Variants in TMF1 observed in about 807,000 individuals in gnomAD.
TMF1 encodes the protein TATA element modulatory factor 1.
TMF1 carries 71 observed loss-of-function variants against 126.5 expected under a neutral mutation model. The ratio of observed to expected loss-of-function variants is 0.56; its 90% CI spans 0.46 to 0.68. TMF1 has a LOEUF of 0.68. TMF1 is among the 30% of genes least tolerant of loss of function. The pLI, the probability that TMF1 is intolerant of heterozygous loss-of-function variation, is 0.00. For missense variants in TMF1, 1,259 were observed against 1,253.2 expected, an observed-to-expected ratio of 1.00 and a Z score of -0.07; for synonymous variants, 461 against 430.5, an observed-to-expected ratio of 1.07 and a Z score of -0.88.
At chr3:69,051,457 G>C (rs956258588) in intron 1 of TMF1, among the ~76,000 whole-genome samples, 1 of 152,088 alleles carries the variant, frequency 6.6e-6, no homozygotes, top group South Asian at 2.1e-4. Context: ...CCTGGGCGAC[G>C]GAGTGAGACT....
At chr3:69,034,598 C>A (rs1390733460) in intron 9 of TMF1, among the ~76,000 whole-genome samples, 1 of 152,132 alleles carries the variant, frequency 6.6e-6, no homozygotes, top group Non-Finnish European at 1.5e-5. Flanking sequence ...CCTCCTCATC[C>A]AAATATTTCT....
At chr3:69,029,121 C>T (rs2091785495) in intron 11 of TMF1, among the ~76,000 whole-genome samples, 2 of 151,618 alleles carry the variant, frequency 1.3e-5, no homozygotes, top group Admixed American at 1.3e-4. Context: ...GCAACCTCTG[C>T]CTCCCAGGTT....
At chr3:69,045,413 C>A (rs114633541) in intron 2 of TMF1, among the ~76,000 whole-genome samples, 3,960 of 151,872 alleles carry the variant, frequency 0.026, 172 homozygotes, top group African/African-American at 0.091. Flanking sequence ...AGCCAAGATT[C>A]TGCAATGATC....
intron 8 of TMF1, 135 bp from the exon 9 acceptor site, chr3:69,035,250 T>C (rs931327081): frequency 1.5e-5 from 10 of 656,502 alleles, no homozygotes; most frequent in Non-Finnish European, 1.8e-5. Flanking sequence ...CTTTTACATA[T>C]GATTATCACA....
Position 69,039,532 on chromosome 3 carries a change from A to G in TMF1, c.1827+19T>C. ...AAGTAATAACAATATATATGTAGAG[A>G]ATTATGATTGCTATTCACCTGTTTC... is the stretch of plus-strand genomic sequence containing the variant. On this transcript the variant is annotated intron_variant, in intron 6 of 16. Coordinates refer to ENST00000398559, the MANE Select transcript of TMF1 (RefSeq NM_007114.3). 1 of 1,605,826 alleles carries G rather than the reference A, an allele frequency of 6.2e-7. No homozygotes were observed. Among genetic ancestry groups the G allele is most frequent in the Non-Finnish European group, 8.5e-7 (1 of 1,177,834 alleles).
At chr3:69,029,750 A>G in intron 11 of TMF1, 65 bp downstream of exon 11, 1 of 1,462,788 alleles carries the variant, frequency 6.8e-7, no homozygotes, top group Non-Finnish European at 9.2e-7. Context: ...CCAACAACAT[A>G]CTTTTAAAAA....
In TMF1 at chr3:69,044,512, T is replaced by C; in HGVS notation, c.1431A>G (p.Glu477=). The stretch of plus-strand genomic sequence containing the variant: ...CTTACTCTTTCAGGTTATCAAAAGC[T>C]TCTTCTAGAAGTGCTTTTTCCTTAC... ...SLSKEKALLE[E]AFDNLKDEMF... The change falls in exon 3 of 17, where the codon GAA becomes GAG. Residue 477 remains glutamate, a synonymous_variant. Coordinates refer to ENST00000398559, the MANE Select transcript of TMF1 (RefSeq NM_007114.3). The C allele has an allele frequency of 1.3e-6, 2 of 1,591,340 alleles. No homozygotes were observed. The highest frequency in any genetic ancestry group is 1.7e-6 in the Non-Finnish European group (2 of 1,170,994).
At chr3:69,024,268 GTTT>G (rs201235194) in intron 15 of TMF1, 88 bp from the exon 16 acceptor site, 22,158 of 922,288 alleles carry the variant, frequency 0.024, 217 homozygotes, top group Non-Finnish European at 0.025. Context: ...TGTGTGTGTG[GTTT>G]TTTTTTTTTT....
In TMF1 at chr3:69,052,309, C is replaced by G. The variant is rs770632577; in HGVS notation, c.-223G>C. ...CCATGTGCGCATGCGCTTGCTTCTTCCACGTACACAGCAACCAAATCTACG... is the reference window on the plus strand; with the variant it reads ...CCATGTGCGCATGCGCTTGCTTCTTGCACGTACACAGCAACCAAATCTACG... On this transcript the variant is annotated 5_prime_UTR_variant, in exon 1 of 17. Coordinates refer to ENST00000398559, the MANE Select transcript of TMF1 (RefSeq NM_007114.3). 7.4e-6 allele frequency: 3 copies of G among 404,054 alleles called. No individual in the cohort carries two copies. Among genetic ancestry groups the G allele is most frequent in the Non-Finnish European group, 1.3e-5 (3 of 224,318 alleles). The allele number at this position is 404,054 out of a possible 1,614,324, so 25.0% of individuals were successfully genotyped here. A position where few individuals can be genotyped will look rare whatever the true frequency, so the allele number is the denominator to read the frequency against.
intron 11 of TMF1, 88 bp downstream of exon 11, chr3:69,029,727 C>T: frequency 7.6e-7 from 1 of 1,311,674 alleles, no homozygotes; most frequent in Non-Finnish European, 1.0e-6. Flanking sequence ...AGGCGTGAGC[C>T]ACGGCGCCCG....
rs137972720 is a variant in TMF1, at chr3:69,043,367, G to A, written c.1578+383C>T. 5.4e-3 allele frequency among the ~76,000 whole-genome samples: 823 copies of A among 152,006 alleles called. 7 individuals are homozygous for A. The highest frequency in any genetic ancestry group is 0.019 in the African/African-American group (770 of 41,462). Reference sequence around the variant, plus strand: ...GTATTTTTTGTAGAGATGAGGTCTCGCCATGTTGCCCAGGCTGGTCTTGAA... The same window carrying A: ...GTATTTTTTGTAGAGATGAGGTCTCACCATGTTGCCCAGGCTGGTCTTGAA... On this transcript the variant is annotated intron_variant, in intron 4 of 16. Coordinates refer to ENST00000398559, the MANE Select transcript of TMF1 (RefSeq NM_007114.3).
At chr3:69,033,734 A>G (rs751976108) in intron 9 of TMF1, 30 bp from the exon 10 acceptor site, 19 of 1,561,604 alleles carry the variant, frequency 1.2e-5, no homozygotes, top group Non-Finnish European at 1.6e-5. Context: ...AGTCATTACC[A>G]ATGACAGCAA....
Position 69,047,876 on chromosome 3 carries a change from G to C in TMF1, c.829C>G (p.Gln277Glu), listed in dbSNP as rs1419445083. Reference protein sequence around the residue: ...VISESSASSRQETTDSKSSLH... With the variant: ...VISESSASSREETTDSKSSLH... The stretch of plus-strand genomic sequence containing the variant: ...CTTGATTTTGAATCTGTAGTCTCTT[G>C]TCTCGAGCTCGCTGAGCTCTCACTT... Residue 277 changes from glutamine to glutamate, a missense_variant, in exon 2 of 17, where the codon CAA (glutamine) becomes GAA (glutamate). Coordinates refer to ENST00000398559, the MANE Select transcript of TMF1 (RefSeq NM_007114.3). 8 of 1,613,792 alleles carry C rather than the reference G, an allele frequency of 5.0e-6. No homozygotes were observed. The highest frequency in any genetic ancestry group is 1.3e-5 in the African/African-American group (1 of 74,910).
intron 10 of TMF1, among the ~76,000 whole-genome samples, chr3:69,033,008 A>C (rs2091811937): frequency 6.6e-6 from 1 of 152,098 alleles, no homozygotes; most frequent in Non-Finnish European, 1.5e-5. Flanking sequence ...ACCAGTGATG[A>C]GAATCATATA....
Position 69,042,927 on chromosome 3 carries a change from A to G in TMF1, c.1579-15T>C. ...TTTTTGATTTCCTAATAAAAAAGAAATCTGTGAATACCGTAAAGAATGACT... is the reference window on the plus strand; with the variant it reads ...TTTTTGATTTCCTAATAAAAAAGAAGTCTGTGAATACCGTAAAGAATGACT... On this transcript the variant is annotated splice_polypyrimidine_tract_variant and intron_variant, in intron 4 of 16. Coordinates refer to ENST00000398559, the MANE Select transcript of TMF1 (RefSeq NM_007114.3). 6.5e-7 allele frequency: 1 copy of G among 1,534,414 alleles called. No homozygotes were observed. The highest frequency in any genetic ancestry group is 9.0e-7 in the Non-Finnish European group (1 of 1,109,444).
rs1198254040 is a variant in TMF1, at chr3:69,021,724, A to G, written c.*1453T>C. 6.6e-6 allele frequency: 1 copy of G among 150,510 alleles called. No homozygotes were observed. Among genetic ancestry groups the G allele is most frequent in the Non-Finnish European group, 1.5e-5 (1 of 67,714 alleles). 9.3% of individuals were successfully genotyped at this position (150,510 alleles called of 1,614,324 possible). On this transcript the variant is annotated 3_prime_UTR_variant, in exon 17 of 17. Transcript: ENST00000398559. The stretch of plus-strand genomic sequence containing the variant: ...GAGACGGAGTCTTTCTCTGTCACCC[A>G]TGCTGGAGTGCAGTGGCACAATCTT...
chr3:69,048,287 C>G lies in TMF1; in HGVS notation c.418G>C (p.Gly140Arg). The change falls in exon 2 of 17, where the codon GGC becomes CGC. Residue 140 changes from glycine (G) to arginine (R), a missense_variant. By Grantham distance (125) the Gly-to-Arg change is moderately radical. Coordinates refer to ENST00000398559, the MANE Select transcript of TMF1 (RefSeq NM_007114.3). Reference protein sequence around the residue: ...KSSLHESLHIGQSRTPETTES... With the variant: ...KSSLHESLHIRQSRTPETTES... Reference sequence around the variant, plus strand: ...GTTGTTTCAGGAGTTCTTGACTGGCCAATGTGCAAGGATTCATGTAAGCTG... The same window carrying G: ...GTTGTTTCAGGAGTTCTTGACTGGCGAATGTGCAAGGATTCATGTAAGCTG... The G allele has an allele frequency of 6.2e-7, 1 of 1,614,114 alleles. No individual in the cohort carries two copies. Among genetic ancestry groups the G allele is most frequent in the Non-Finnish European group, 8.5e-7 (1 of 1,180,036 alleles).
At chr3:69,041,117 G>T (rs773059425) in intron 5 of TMF1, among the ~76,000 whole-genome samples, 1 of 151,940 alleles carries the variant, frequency 6.6e-6, no homozygotes, top group Non-Finnish European at 1.5e-5. Context: ...AATAACATTC[G>T]ATATTAATAT....
intron 16 of TMF1, among the ~76,000 whole-genome samples, 176 bp from the exon 17 acceptor site, chr3:69,023,496 G>T (rs1433387100): frequency 2.0e-5 from 3 of 151,774 alleles, no homozygotes; most frequent in Non-Finnish European, 4.4e-5. Context: ...GCAAAAAAAG[G>T]AATTAAAGAA....
Sources: allele counts gnomAD v4.1 joint callset (sites outside exome capture counted in the v4.1 genomes callset), GRCh38; gene constraint gnomAD v4.1.1; transcripts MANE v1.5; gene names NCBI Gene and HGNC (gene_info 2026-07-23, HGNC 2026-07-21).